SPATA13: variants seen among roughly 807,000 people sequenced by gnomAD.
The protein encoded by SPATA13 is spermatogenesis-associated protein 13.
Under a neutral mutation model 104.0 loss-of-function variants are expected in SPATA13, and 50 were observed. The observed-to-expected ratio is 0.48, with a 90% confidence interval of 0.38 to 0.61. The LOEUF is 0.61. Ranked by LOEUF, SPATA13 falls within the 20% of genes least tolerant of loss-of-function variation. The pLI, the probability that SPATA13 is intolerant of heterozygous loss-of-function variation, is 0.00. For missense variants in SPATA13, 1,524 were observed against 1,690.6 expected (o/e 0.90, Z 1.73); for synonymous variants, 606 against 667.5 (o/e 0.91, Z 1.42).
chr13:24,006,247 A>T (rs1876222036), intron 2 of SPATA13, among the ~76,000 whole-genome samples: 1 of 152,220 alleles, frequency 6.6e-6, no homozygotes, highest in Non-Finnish European at 1.5e-5. Flanking sequence ...AAGTTTTCTT[A>T]TTCCCAGTAT....
At chr13:24,202,070 C>CTAAATAAA (rs67125164) in intron 1 of SPATA13, among the ~76,000 whole-genome samples, 20 of 151,200 alleles carry the variant, frequency 1.3e-4, no homozygotes, top group African/African-American at 4.9e-4. Context: ...AAGACTCTGT[C>CTAAATAAA]TAAATAAATA....
chr13:24,056,922 T>C (rs1202289797), intron 3 of SPATA13, among the ~76,000 whole-genome samples: 1 of 147,860 alleles, frequency 6.8e-6, no homozygotes, highest in Non-Finnish European at 1.5e-5. Context: ...TTTTTTTTTT[T>C]CAATGAATGG....
intron 1 of SPATA13, among the ~76,000 whole-genome samples, chr13:24,212,249 C>T (rs1871063062): frequency 6.7e-6 from 1 of 150,010 alleles, no homozygotes; most frequent in South Asian, 2.1e-4. Flanking sequence ...CTCCAGCCCG[C>T]ACCAGGCTGC....
intron 2 of SPATA13, among the ~76,000 whole-genome samples, chr13:23,996,891 C>G (rs2137667025): frequency 6.6e-6 from 1 of 152,334 alleles, no homozygotes; most frequent in East Asian, 1.9e-4. Context: ...CTCTCTTTCC[C>G]TTATAAGGAT....
chr13:24,082,591 C>T (rs1284675444), intron 3 of SPATA13, among the ~76,000 whole-genome samples: 1 of 151,650 alleles, frequency 6.6e-6, no homozygotes, highest in Non-Finnish European at 1.5e-5. Flanking sequence ...GAGGCCGAGG[C>T]GGGTGGATCA....
intron 1 of SPATA13, among the ~76,000 whole-genome samples, chr13:24,193,881 G>A (rs1869907124): frequency 6.6e-6 from 1 of 152,170 alleles, no homozygotes; most frequent in South Asian, 2.1e-4. Flanking sequence ...AGAGTTGCTG[G>A]GTGGTGCCCA....
intron 3 of SPATA13, among the ~76,000 whole-genome samples, chr13:24,082,287 G>C (rs957613921): frequency 2.6e-5 from 4 of 152,170 alleles, no homozygotes; most frequent in African/African-American, 4.8e-5. Flanking sequence ...GGGCAGGCTT[G>C]ACCTGATGTC....
chr13:24,199,208 T>G (rs1237637404), intron 1 of SPATA13, among the ~76,000 whole-genome samples: 2 of 152,118 alleles, frequency 1.3e-5, no homozygotes, highest in Non-Finnish European at 2.9e-5. Flanking sequence ...AATCTTAAAG[T>G]TGAAGGAAAT....
At chr13:24,062,447 G>A (rs1312423565) in intron 3 of SPATA13, among the ~76,000 whole-genome samples, 2 of 152,174 alleles carry the variant, frequency 1.3e-5, no homozygotes, top group Non-Finnish European at 2.9e-5. Context: ...CAGGGTGCAC[G>A]GTGCTGGGAG....
At chr13:24,239,070 A>G (rs960729004) in intron 2 of SPATA13, among the ~76,000 whole-genome samples, 3 of 152,226 alleles carry the variant, frequency 2.0e-5, no homozygotes, top group African/African-American at 4.8e-5. Flanking sequence ...TGATACAATC[A>G]TGTGTAATTA....
intron 4 of SPATA13, among the ~76,000 whole-genome samples, chr13:24,258,241 A>AT (rs1363117124): frequency 6.6e-6 from 1 of 151,784 alleles, no homozygotes; most frequent in African/African-American, 2.4e-5. Flanking sequence ...ATCTCAAAAA[A>AT]AAAAAAATAA....
chr13:24,091,197 T>C (rs1593323536), intron 3 of SPATA13, among the ~76,000 whole-genome samples: 1 of 152,348 alleles, frequency 6.6e-6, no homozygotes, highest in East Asian at 1.9e-4. Flanking sequence ...GGAATGGGCC[T>C]TAAGGTCAGC....
chr13:24,024,337 G>C (rs1454517745), intron 3 of SPATA13, among the ~76,000 whole-genome samples: 1 of 143,466 alleles, frequency 7.0e-6, no homozygotes, highest in Admixed American at 7.2e-5. Flanking sequence ...TTTATTGGAT[G>C]GATGGATGAA....
intron 3 of SPATA13, among the ~76,000 whole-genome samples, chr13:24,022,789 C>T (rs1877043501): frequency 6.6e-6 from 1 of 152,104 alleles, no homozygotes; most frequent in South Asian, 2.1e-4. Flanking sequence ...TCTGCAGGAA[C>T]ATAAGTTTTC....
At chr13:24,147,279 C>CATA (rs1881964192) in intron 3 of SPATA13, among the ~76,000 whole-genome samples, 1 of 152,066 alleles carries the variant, frequency 6.6e-6, no homozygotes, top group Non-Finnish European at 1.5e-5. Context: ...GAATGATGAC[C>CATA]GTATTGAGTA....
intron 3 of SPATA13, among the ~76,000 whole-genome samples, chr13:24,108,449 G>T (rs533711176): frequency 6.6e-6 from 1 of 152,266 alleles, no homozygotes; most frequent in African/African-American, 2.4e-5. Flanking sequence ...GTGGGTGCGT[G>T]GGCTTTGAGG....
chr13:24,271,700 G>A (rs1874623844), intron 4 of SPATA13, among the ~76,000 whole-genome samples: 2 of 152,194 alleles, frequency 1.3e-5, no homozygotes, highest in African/African-American at 2.4e-5. Context: ...ACAATAGGAT[G>A]CTTTAGAAAC....
intron 3 of SPATA13, among the ~76,000 whole-genome samples, chr13:24,131,319 T>C (rs1418896892): frequency 6.6e-6 from 1 of 152,180 alleles, no homozygotes; most frequent in Non-Finnish European, 1.5e-5. Context: ...TTCTTGGACT[T>C]GTGCAGAAAG....
rs144001476 is a variant in SPATA13, at chr13:24,257,934, G to A, written c.2164+6072G>A. Among the ~76,000 whole-genome samples, 218 of 152,240 alleles carry A rather than the reference G, an allele frequency of 1.4e-3. 1 individual carries two copies. The highest frequency in any genetic ancestry group is 5.1e-3 in the African/African-American group (212 of 41,536). On this transcript the variant is annotated intron_variant, in intron 4 of 12. Coordinates refer to ENST00000382108, the MANE Select transcript of SPATA13 (RefSeq NM_001166271.3). ...AGCCCATCTGAGCTGGCCAGTGAGT[G>A]GTGAAGAGAGGAGTGCTTTTGAAAA...
Sources: gnomAD v4.1 joint callset for allele counts (sites outside exome capture counted in the v4.1 genomes callset) on GRCh38, gnomAD v4.1.1 for gene constraint, MANE v1.5 for transcripts, NCBI Gene and HGNC (gene_info 2026-07-23, HGNC 2026-07-21) for gene names.